The following TREML2 variants were observed in gnomAD, a reference collection of about 807,000 sequenced individuals.
TREML2 encodes the protein triggering receptor expressed on myeloid cells like 2, also known as trem-like transcript 2 protein.
In TREML2, 24 loss-of-function variants were observed where a neutral mutation model predicts 25.9. The observed-to-expected ratio is 0.93, with a 90% CI of 0.67 to 1.30. TREML2 has a LOEUF of 1.30. TREML2 is among the 50% of genes most tolerant of loss of function. The pLI is 0.00. For synonymous variants in TREML2, 139 were observed against 155.2 expected (o/e 0.90, Z 0.77); for missense variants, 359 against 395.6 (o/e 0.91, Z 0.78).
At position 41,194,826 on chromosome 6, in the gene TREML2, T is replaced by G. The variant is rs370336343; in HGVS notation, c.384A>C (p.Gln128His). 1.3e-6 allele frequency: 2 copies of G among 1,559,374 alleles called. No individual in the cohort carries two copies. The highest frequency in any genetic ancestry group is 1.7e-6 in the Non-Finnish European group (2 of 1,149,374). The change falls in exon 3 of 5, where the codon CAA becomes CAC. Residue 128 changes from glutamine (Q) to histidine (H), a missense_variant. Transcript: ENST00000483722. The stretch of plus-strand genomic sequence containing the variant: ...GTGTGAAAGGAATGTTCCTCTCAGT[T>G]TGGGGAGCTGAAAGACAGAAAGGGA... ...GFQLDVSPAPQTERNIPFTHL... is the reference protein window; with the variant it reads ...GFQLDVSPAPHTERNIPFTHL...
chr6:41,194,933 G>T, intron 2 of TREML2, 100 bp from the exon 3 acceptor site: 1 of 1,126,002 alleles, frequency 8.9e-7, no homozygotes, highest in Admixed American at 2.8e-5. Context: ...CCTGGATGGG[G>T]GCCTGTCCTC....
chr6:41,192,994 G>T, intron 3 of TREML2, 93 bp from the exon 4 acceptor site: 1 of 1,054,944 alleles, frequency 9.5e-7, no homozygotes, highest in Non-Finnish European at 1.3e-6. Flanking sequence ...AACCCTGAGA[G>T]CGTGCCCTTC....
intron 2 of TREML2, among the ~76,000 whole-genome samples, 179 bp from the exon 3 acceptor site, chr6:41,195,012 AG>A (rs1766135807): frequency 6.6e-6 from 1 of 152,102 alleles, no homozygotes; most frequent in African/African-American, 2.4e-5. Flanking sequence ...TTGTTCAGAA[AG>A]TGATATCAGG....
chr6:41,198,065 A>G lies in TREML2; in HGVS notation c.376+44T>C, dbSNP rs575412733. Reference sequence around the variant, plus strand: ...TGATGTTAGTGGAGTGTGGGGCAGGAGGGACTCCCTCCACCCGTCCCAGAG... The same window carrying G: ...TGATGTTAGTGGAGTGTGGGGCAGGGGGGACTCCCTCCACCCGTCCCAGAG... On this transcript the variant is annotated intron_variant, in intron 2 of 4. Transcript: ENST00000483722. 4.7e-3 allele frequency: 7,038 copies of G among 1,497,272 alleles called. 27 individuals are homozygous for G. Among genetic ancestry groups the G allele is most frequent in the Admixed American group, 7.7e-3 (382 of 49,870 alleles). The allele number at this position is 1,497,272 out of a possible 1,614,324, so 92.7% of individuals were successfully genotyped here. A position where few individuals can be genotyped will look rare whatever the true frequency, so the allele number is the denominator to read the frequency against.
At position 41,192,425 on chromosome 6, in the gene TREML2, C is replaced by T. The variant is rs553546648; in HGVS notation, c.*2G>A. 2 of 1,613,592 alleles carry T rather than the reference C, an allele frequency of 1.2e-6. No individual in the cohort carries two copies. Among genetic ancestry groups the T allele is most frequent in the East Asian group, 2.2e-5 (1 of 44,882 alleles). On this transcript the variant is annotated 3_prime_UTR_variant, in exon 5 of 5. Coordinates refer to ENST00000483722, the MANE Select transcript of TREML2 (RefSeq NM_024807.4). ...AGCTCCCCACCCCATGCTTAAGTGG[C>T]CTCAGATCAAGTAGACTTCCACATA... is the stretch of plus-strand genomic sequence containing the variant.
At position 41,200,999 on chromosome 6, in the gene TREML2, C is replaced by T. The variant is rs1199438193; in HGVS notation, c.10G>A (p.Ala4Thr). Residue 4 changes from alanine (A) to threonine (T), a missense_variant, in exon 1 of 5, where the codon GCC (alanine) becomes ACC (threonine). By Grantham distance (58) the Ala-to-Thr change is moderately conservative. Transcript: ENST00000483722. Reference sequence around the variant, plus strand: ...CACAGCAGCAGCAGCAGCAGGAAGGCTGGGGCCATGGTTCCATCCAGCTGG... The same window carrying T: ...CACAGCAGCAGCAGCAGCAGGAAGGTTGGGGCCATGGTTCCATCCAGCTGG... The part of the protein sequence containing the change: MAP[A>T]FLLLLLLWPQ... 1.2e-6 allele frequency: 2 copies of T among 1,601,804 alleles called. No individual in the cohort carries two copies. The highest frequency in any genetic ancestry group is 1.7e-6 in the Non-Finnish European group (2 of 1,173,822).
At position 41,192,325 on chromosome 6, in the gene TREML2, T is replaced by C; in HGVS notation, c.*102A>G. The C allele has an allele frequency of 1.1e-6, 1 of 948,318 alleles. No individual in the cohort carries two copies. Among genetic ancestry groups the C allele is most frequent in the East Asian group, 2.6e-5 (1 of 38,716 alleles). The allele number at this position is 948,318 out of a possible 1,614,324, so 58.7% of individuals were successfully genotyped here. ...CTGGGTGAGTCCAGCACTGCACAAG[T>C]CCTCCAGCTTCATAAGATCGATACT... On this transcript the variant is annotated 3_prime_UTR_variant, in exon 5 of 5. Transcript: ENST00000483722.
intron 1 of TREML2, 99 bp from the exon 2 acceptor site, chr6:41,198,528 C>T: frequency 7.8e-7 from 1 of 1,275,064 alleles, no homozygotes; most frequent in Non-Finnish European, 1.1e-6. Flanking sequence ...TGGATATTGT[C>T]CTGCTGTCAC....
intron 2 of TREML2, among the ~76,000 whole-genome samples, chr6:41,196,238 A>G (rs58215636): frequency 0.1 from 15,189 of 152,232 alleles, 2,373 homozygotes; most frequent in African/African-American, 0.33. Flanking sequence ...ACTTCAGTGA[A>G]CCAGTTTCGA....
At chr6:41,193,089 G>A (rs1766097142) in intron 3 of TREML2, among the ~76,000 whole-genome samples, 188 bp from the exon 4 acceptor site, 1 of 152,160 alleles carries the variant, frequency 6.6e-6, no homozygotes. Flanking sequence ...GACGTCCCCA[G>A]GTAGAGGGGA....
At chr6:41,193,007 G>A (rs953486561) in intron 3 of TREML2, 106 bp from the exon 4 acceptor site, 35 of 874,216 alleles carry the variant, frequency 4.0e-5, no homozygotes, top group Non-Finnish European at 5.3e-5. Context: ...TGCCCTTCCC[G>A]GGGTAGACGG....
Position 41,201,064 on chromosome 6 carries a change from G to T in TREML2, c.-56C>A. 1 of 1,594,992 alleles carries T rather than the reference G, an allele frequency of 6.3e-7. No individual in the cohort carries two copies. Among genetic ancestry groups the T allele is most frequent in the South Asian group, 1.1e-5 (1 of 90,356 alleles). On this transcript the variant is annotated 5_prime_UTR_variant, in exon 1 of 5. Transcript: ENST00000483722. ...GGAGATCCAAGGTGAGGGCCCACCCGACACAGGATGTGCCACCTGGGCCTG... is the reference window on the plus strand; with the variant it reads ...GGAGATCCAAGGTGAGGGCCCACCCTACACAGGATGTGCCACCTGGGCCTG...
chr6:41,200,647 G>A (rs1766257699), intron 1 of TREML2, among the ~76,000 whole-genome samples: 2 of 152,226 alleles, frequency 1.3e-5, no homozygotes, highest in Non-Finnish European at 2.9e-5. Context: ...TCCTGACAGA[G>A]GCCAAGCAGA....
At chr6:41,192,998 G>C in intron 3 of TREML2, 97 bp from the exon 4 acceptor site, 1 of 997,128 alleles carries the variant, frequency 1.0e-6, no homozygotes, top group Non-Finnish European at 1.4e-6. Flanking sequence ...CTGAGAGCGT[G>C]CCCTTCCCGG....
rs1220087775 is a variant in TREML2, at chr6:41,189,809, C to A, written c.*2618G>T. 6.6e-6 allele frequency among the ~76,000 whole-genome samples: 1 copy of A among 152,142 alleles called. No homozygotes were observed. The highest frequency in any genetic ancestry group is 1.9e-4 in the East Asian group (1 of 5,192). On this transcript the variant is annotated 3_prime_UTR_variant, in exon 5 of 5. Coordinates refer to ENST00000483722, the MANE Select transcript of TREML2 (RefSeq NM_024807.4). The stretch of plus-strand genomic sequence containing the variant: ...AAAGCTCTCTGCTGTGGAGAGGAGG[C>A]CTGAAAGAGGGTTGCCATTTTTACA...
At chr6:41,199,079 G>A (rs1221688219) in intron 1 of TREML2, among the ~76,000 whole-genome samples, 2 of 152,160 alleles carry the variant, frequency 1.3e-5, no homozygotes, top group Non-Finnish European at 2.9e-5. Context: ...AGCCAGGATG[G>A]TCTCAATCTC....
chr6:41,192,786 G>T lies in TREML2; in HGVS notation c.886+15C>A. 3 of 1,606,574 alleles carry T rather than the reference G, an allele frequency of 1.9e-6. No homozygotes were observed. Among genetic ancestry groups the T allele is most frequent in the Non-Finnish European group, 2.6e-6 (3 of 1,174,616 alleles). ...AGCTCTGCCCTCAGGAGGCTGGGAG[G>T]TGGGCTCTACTCACTTGCCATGTGT... On this transcript the variant is annotated intron_variant, in intron 4 of 4. Coordinates refer to ENST00000483722, the MANE Select transcript of TREML2 (RefSeq NM_024807.4).
At position 41,190,735 on chromosome 6, in the gene TREML2, C is replaced by T. The variant is rs1218870874; in HGVS notation, c.*1692G>A. 1 of 152,174 alleles carries T rather than the reference C, an allele frequency of 6.6e-6. No individual in the cohort carries two copies. The highest frequency in any genetic ancestry group is 2.4e-5 in the African/African-American group (1 of 41,436). The allele number at this position is 152,174 out of a possible 1,614,324, so 9.4% of individuals were successfully genotyped here. Reference sequence around the variant, plus strand: ...GTGCCAGCTCTTGGGGAGCTATTTTCCCCCAGGTGGGTTAAGTTCTCTCCT... The same window carrying T: ...GTGCCAGCTCTTGGGGAGCTATTTTTCCCCAGGTGGGTTAAGTTCTCTCCT... On this transcript the variant is annotated 3_prime_UTR_variant, in exon 5 of 5. Transcript: ENST00000483722.
Position 41,192,670 on chromosome 6 carries a change from G to C in TREML2, c.886+131C>G, listed in dbSNP as rs568850607. On this transcript the variant is annotated intron_variant, in intron 4 of 4. Transcript: ENST00000483722. ...TCCGCCTGGCCGCCCTCCTCCCCAG[G>C]TGGAAGCGTCATAGTCCTTTTGACT... The C allele has an allele frequency of 1.3e-3, 1,501 of 1,133,970 alleles. 3 individuals carry two copies. Among genetic ancestry groups the C allele is most frequent in the Non-Finnish European group, 1.8e-3 (1,368 of 778,808 alleles). 70.2% of individuals were successfully genotyped at this position (1,133,970 alleles called of 1,614,324 possible).
Sources: allele counts gnomAD v4.1 joint callset (sites outside exome capture counted in the v4.1 genomes callset), GRCh38; gene constraint gnomAD v4.1.1; transcripts MANE v1.5; gene names NCBI Gene and HGNC (gene_info 2026-07-23, HGNC 2026-07-21).